Variants in ZNF407 observed in about 807,000 individuals in gnomAD.
ZNF407 encodes the protein zinc finger protein 407.
A neutral mutation model predicts 131.2 loss-of-function variants in ZNF407; 17 were observed. That is an observed-to-expected ratio of 0.13 (90% confidence interval 0.09 to 0.19). The LOEUF (loss-of-function observed/expected upper bound fraction) is 0.19, where lower values mean the gene tolerates loss of function less well. Among genes scored for constraint, ZNF407 ranks in the 10% least tolerant of loss-of-function variants. The pLI, the probability that ZNF407 is intolerant of heterozygous loss-of-function variation, is 1.00. For synonymous variants in ZNF407, 1,156 were observed against 1,062.0 expected (o/e 1.09, Z -1.72); for missense variants, 2,681 against 2,830.6 (o/e 0.95, Z 1.20).
intron 8 of ZNF407, among the ~76,000 whole-genome samples, chr18:74,968,873 C>T (rs1199774002): frequency 6.6e-6 from 1 of 152,104 alleles, no homozygotes; most frequent in African/African-American, 2.4e-5. Context: ...TGCAGCCCCT[C>T]CTCCTCCTTT....
intron 3 of ZNF407, among the ~76,000 whole-genome samples, chr18:74,725,129 A>G (rs760240263): frequency 6.6e-6 from 1 of 152,082 alleles, no homozygotes; most frequent in African/African-American, 2.4e-5. Flanking sequence ...TTCTGTACCT[A>G]TTAAGTATGC....
chr18:74,777,470 C>T (rs966179513), intron 3 of ZNF407, among the ~76,000 whole-genome samples: 9 of 152,122 alleles, frequency 5.9e-5, no homozygotes, highest in Non-Finnish European at 8.8e-5. Context: ...TCCTGTTCCA[C>T]GGGCTCTTGG....
In ZNF407 at chr18:74,635,263, G is replaced by A. The variant is rs767245672; in HGVS notation, c.4244G>A (p.Arg1415His). The A allele has an allele frequency of 3.7e-6, 6 of 1,613,992 alleles. No individual in the cohort carries two copies. The highest frequency in any genetic ancestry group is 2.2e-5 in the South Asian group (2 of 91,082). The change falls in exon 2 of 9, where the codon CGC becomes CAC. Residue 1415 changes from arginine to histidine, a missense_variant. Transcript: ENST00000299687. This position sits in a 1 kb window ranked among gnomAD's most constrained non-coding sequence, Gnocchi z 4.7. ...TCCATTGGTGAGTCTACACGAATTC[G>A]CTGTGATGATTGTGGCTTCTTAGCA... is the stretch of plus-strand genomic sequence containing the variant. Reference protein sequence around the residue: ...GSSIGESTRIRCDDCGFLADG... With the variant: ...GSSIGESTRIHCDDCGFLADG...
chr18:74,646,627 T>C (rs1043715104), intron 3 of ZNF407, among the ~76,000 whole-genome samples: 1 of 152,242 alleles, frequency 6.6e-6, no homozygotes, highest in African/African-American at 2.4e-5. Context: ...ATCCTTGAGA[T>C]ACCTTTTATG....
At chr18:74,945,034 G>C (rs1039733030) in intron 8 of ZNF407, among the ~76,000 whole-genome samples, 8 of 152,064 alleles carry the variant, frequency 5.3e-5, no homozygotes, top group Non-Finnish European at 8.8e-5. Context: ...GCATTTGCTT[G>C]CCTGAATATA....
intron 3 of ZNF407, among the ~76,000 whole-genome samples, chr18:74,741,736 G>A (rs1252405911): frequency 6.6e-6 from 1 of 152,022 alleles, no homozygotes; most frequent in East Asian, 1.9e-4. Context: ...ACCTAAGCTT[G>A]GTGACAAGAA....
intron 3 of ZNF407, among the ~76,000 whole-genome samples, chr18:74,662,780 A>G (rs892775791): frequency 3.3e-5 from 5 of 152,102 alleles, no homozygotes; most frequent in Middle Eastern, 3.4e-3. Context: ...TTAAGTGTCT[A>G]ACTGTCAGTC....
In ZNF407 at chr18:75,064,048, A is replaced by G. The variant is rs1568317058; in HGVS notation, c.6327A>G (p.Glu2109=). Residue 2109 remains glutamate (E), a synonymous_variant, in exon 9 of 9, where the codon GAA becomes GAG. Coordinates refer to ENST00000299687, the MANE Select transcript of ZNF407 (RefSeq NM_017757.3). ...KDGVTQVVVS[E]EGAVHMVAGE... Reference sequence around the variant, plus strand: ...GTGTCACCCAGGTGGTGGTGAGCGAAGAGGGTGCCGTCCACATGGTCGCCG... The same window carrying G: ...GTGTCACCCAGGTGGTGGTGAGCGAGGAGGGTGCCGTCCACATGGTCGCCG... 3 of 1,597,356 alleles carry G rather than the reference A, an allele frequency of 1.9e-6. No homozygotes were observed. The highest frequency in any genetic ancestry group is 1.3e-5 in the African/African-American group (1 of 74,680).
chr18:74,854,337 A>C (rs960933440), intron 4 of ZNF407, among the ~76,000 whole-genome samples: 1 of 152,202 alleles, frequency 6.6e-6, no homozygotes, highest in Non-Finnish European at 1.5e-5. Flanking sequence ...TATAGTGTTT[A>C]CTGTGAGAAA....
rs957870877 is a variant in ZNF407, at chr18:74,883,660, G to A, written c.5128+2541G>A. Among the ~76,000 whole-genome samples, 7 of 152,144 alleles carry A rather than the reference G, an allele frequency of 4.6e-5. No homozygotes were observed. The East Asian group carries it at 5.8e-4, about 13-fold the overall frequency. On this transcript the variant is annotated intron_variant, in intron 6 of 8. Transcript: ENST00000299687. ...TGGCCAGCTTAATAACCACCAGCCCGCCCAAAAGAATGTGGGTGTGTGTTT... is the reference window on the plus strand; with the variant it reads ...TGGCCAGCTTAATAACCACCAGCCCACCCAAAAGAATGTGGGTGTGTGTTT...
intron 8 of ZNF407, among the ~76,000 whole-genome samples, chr18:74,996,524 C>T (rs1972782497): frequency 6.6e-6 from 1 of 152,160 alleles, no homozygotes; most frequent in South Asian, 2.1e-4. Context: ...GTCGCAGATG[C>T]ACAAAAGGCA....
At chr18:74,982,787 A>G (rs1972608027) in intron 8 of ZNF407, among the ~76,000 whole-genome samples, 1 of 152,242 alleles carries the variant, frequency 6.6e-6, no homozygotes, top group Non-Finnish European at 1.5e-5. Flanking sequence ...GTGGTTCCAA[A>G]TTATGTAAAA....
At chr18:74,667,905 A>ATT (rs573913832) in intron 3 of ZNF407, among the ~76,000 whole-genome samples, 1 of 150,372 alleles carries the variant, frequency 6.7e-6, no homozygotes, top group East Asian at 1.9e-4. Flanking sequence ...AAACTGAAAG[A>ATT]TTTTTTTTTT....
intron 3 of ZNF407, among the ~76,000 whole-genome samples, chr18:74,698,874 C>T (rs1967424769): frequency 6.6e-6 from 1 of 152,066 alleles, no homozygotes; most frequent in Non-Finnish European, 1.5e-5. Context: ...CTCTTATTTC[C>T]TCCCCCAAGC....
chr18:75,017,397 A>G (rs1973057446), intron 8 of ZNF407, among the ~76,000 whole-genome samples: 1 of 152,134 alleles, frequency 6.6e-6, no homozygotes, highest in Non-Finnish European at 1.5e-5. Context: ...AAATTTTTCC[A>G]ATCCCCACAT....
chr18:74,698,126 T>C (rs1967403106), intron 3 of ZNF407, among the ~76,000 whole-genome samples: 1 of 152,232 alleles, frequency 6.6e-6, no homozygotes, highest in African/African-American at 2.4e-5. Flanking sequence ...TTTGATAAGA[T>C]TGTTTTTCCT....
chr18:75,018,230 C>G (rs1973067992), intron 8 of ZNF407, among the ~76,000 whole-genome samples: 1 of 151,632 alleles, frequency 6.6e-6, no homozygotes, highest in Non-Finnish European at 1.5e-5. Flanking sequence ...CTTAGGAAAC[C>G]ATGATTTTCA....
chr18:74,940,778 C>T (rs1221472558), intron 8 of ZNF407, among the ~76,000 whole-genome samples: 1 of 152,170 alleles, frequency 6.6e-6, no homozygotes, highest in Admixed American at 6.5e-5. Flanking sequence ...GGTGAAGCGT[C>T]GCTCCCTCAC....
intron 4 of ZNF407, among the ~76,000 whole-genome samples, chr18:74,795,511 A>T (rs10514142): frequency 0.16 from 24,560 of 152,176 alleles, 2,286 homozygotes; most frequent in Non-Finnish European, 0.22. Flanking sequence ...TACAATATTG[A>T]GGTACTCTTA....
Sources: gnomAD v4.1 joint callset for allele counts (sites outside exome capture counted in the v4.1 genomes callset) on GRCh38, gnomAD v4.1.1 for gene constraint, Gnocchi (gnomAD v3.1) non-coding constraint, MANE v1.5 for transcripts, NCBI Gene and HGNC (gene_info 2026-07-23, HGNC 2026-07-21) for gene names.